The following PDE1B variants were observed in gnomAD, a reference collection of about 807,000 sequenced individuals.
The protein encoded by PDE1B is dual specificity calcium/calmodulin-dependent 3',5'-cyclic nucleotide phosphodiesterase 1B.
In PDE1B, 13 loss-of-function variants were observed where a neutral mutation model predicts 66.7. The ratio of observed to expected loss-of-function variants is 0.19; its 90% CI spans 0.13 to 0.31. PDE1B has a LOEUF of 0.31. PDE1B is among the 10% of genes least tolerant of loss of function. The pLI is 1.00. For missense variants in PDE1B, 485 were observed against 682.3 expected (o/e 0.71, Z 3.22); for synonymous variants, 230 against 253.9 (o/e 0.91, Z 0.90).
In PDE1B at chr12:54,573,298, G is replaced by A. The variant is rs747578868; in HGVS notation, c.836+50G>A. 1.2e-6 allele frequency: 2 copies of A among 1,613,578 alleles called. No homozygotes were observed. The highest frequency in any genetic ancestry group is 2.2e-5 in the South Asian group (2 of 91,068). On this transcript the variant is annotated intron_variant, in intron 8 of 15. Transcript: ENST00000243052. The surrounding 1 kb of genome is among the most constrained non-coding windows in gnomAD (Gnocchi z 5.2). ...GCAGGAGGGGCCAAGAGGAGGTGGGGAGGTTGCCGGAGTCCCTCCTTACAG... is the reference window on the plus strand; with the variant it reads ...GCAGGAGGGGCCAAGAGGAGGTGGGAAGGTTGCCGGAGTCCCTCCTTACAG...
Position 54,569,275 on chromosome 12 carries a change from C to A in PDE1B, c.319C>A (p.Gln107Lys). 6.2e-7 allele frequency: 1 copy of A among 1,614,068 alleles called. No homozygotes were observed. Residue 107 changes from glutamine to lysine, a missense_variant, in exon 4 of 16, where the codon CAG becomes AAG. Coordinates refer to ENST00000243052, the MANE Select transcript of PDE1B (RefSeq NM_000924.4). The surrounding 1 kb of genome is among the most constrained non-coding windows in gnomAD (Gnocchi z 4.4). ...VRDWLASTFT[Q>K]QARAKGRRAE... ...GGACTGGCTGGCCTCCACCTTCACC[C>A]AGCAGGCCCGGGCCAAAGGCCGCCG... is the stretch of plus-strand genomic sequence containing the variant.
chr12:54,573,464 A>T lies in PDE1B; in HGVS notation c.946A>T (p.Thr316Ser), dbSNP rs12811737. 1 of 1,614,150 alleles carries T rather than the reference A, an allele frequency of 6.2e-7. No homozygotes were observed. The highest frequency in any genetic ancestry group is 2.2e-5 in the East Asian group (1 of 44,880). ...DDEMNIFINL[T>S]KDEFVELRAL... ...TGAGATGAACATTTTCATCAACCTC[A>T]CCAAGGATGAGTTTGTGTGAGCAGA... Residue 316 changes from threonine to serine, a missense_variant, in exon 9 of 16, where the codon ACC becomes TCC. Thr to Ser is a moderately conservative substitution (Grantham distance 58). Coordinates refer to ENST00000243052, the MANE Select transcript of PDE1B (RefSeq NM_000924.4). This position sits in a 1 kb window ranked among gnomAD's most constrained non-coding sequence, Gnocchi z 5.2.
chr12:54,560,182 T>C (rs1957387513), intron 2 of PDE1B, among the ~76,000 whole-genome samples: 1 of 152,204 alleles, frequency 6.6e-6, no homozygotes, highest in African/African-American at 2.4e-5. Context: ...CGAAGCCCAC[T>C]TCCACTTGTC....
chr12:54,566,945 A>T, intron 2 of PDE1B, 29 bp from the exon 3 acceptor site: 1 of 1,278,346 alleles, frequency 7.8e-7, no homozygotes, highest in South Asian at 1.2e-5. Context: ...GCTGTGCCTA[A>T]GCAGCCTCTC....
chr12:54,576,499 C>T, intron 13 of PDE1B, 72 bp from the exon 14 acceptor site: 11 of 1,586,064 alleles, frequency 6.9e-6, no homozygotes, highest in East Asian at 2.2e-5. Flanking sequence ...ATGTCCTGCA[C>T]TCCCAGGGCT....
At chr12:54,562,504 C>A (rs926608660) in intron 2 of PDE1B, among the ~76,000 whole-genome samples, 18 of 152,136 alleles carry the variant, frequency 1.2e-4, no homozygotes, top group Admixed American at 7.2e-4. Flanking sequence ...GGTTGAGCAT[C>A]CTGTTCTACA....
At position 54,569,437 on chromosome 12, in the gene PDE1B, C is replaced by T; in HGVS notation, c.410+71C>T. 1 of 1,588,656 alleles carries T rather than the reference C, an allele frequency of 6.3e-7. No individual in the cohort carries two copies. The highest frequency in any genetic ancestry group is 1.3e-5 in the African/African-American group (1 of 74,554). ...CCTCTTTCCCAGCCACCCTGGTCTTCCATGACCACCAGCCATATGATCCCA... is the reference window on the plus strand; with the variant it reads ...CCTCTTTCCCAGCCACCCTGGTCTTTCATGACCACCAGCCATATGATCCCA... On this transcript the variant is annotated intron_variant, in intron 4 of 15. Coordinates refer to ENST00000243052, the MANE Select transcript of PDE1B (RefSeq NM_000924.4). This position sits in a 1 kb window ranked among gnomAD's most constrained non-coding sequence, Gnocchi z 4.4.
intron 2 of PDE1B, among the ~76,000 whole-genome samples, chr12:54,553,093 T>C (rs955465601): frequency 6.6e-6 from 1 of 152,230 alleles, no homozygotes; most frequent in African/African-American, 2.4e-5. Flanking sequence ...TCCCTCTTCC[T>C]ACAGAGCTTG....
At position 54,577,143 on chromosome 12, in the gene PDE1B, T is replaced by G. The variant is rs564732855; in HGVS notation, c.1508-82T>G. Reference sequence around the variant, plus strand: ...AGGCAGGTTGATGGATGAGAATCCCTTACATGTCTCCACATACTCCTTGGG... The same window carrying G: ...AGGCAGGTTGATGGATGAGAATCCCGTACATGTCTCCACATACTCCTTGGG... On this transcript the variant is annotated intron_variant, in intron 14 of 15. Coordinates refer to ENST00000243052, the MANE Select transcript of PDE1B (RefSeq NM_000924.4). 4.3e-6 allele frequency: 5 copies of G among 1,170,778 alleles called. No individual in the cohort carries two copies. In the South Asian group the frequency reaches 6.8e-5, roughly 16 times the overall value. The allele number at this position is 1,170,778 out of a possible 1,614,324, so 72.5% of individuals were successfully genotyped here.
Position 54,569,023 on chromosome 12 carries a change from A to T in PDE1B, c.228-161A>T. On this transcript the variant is annotated intron_variant, in intron 3 of 15. Coordinates refer to ENST00000243052, the MANE Select transcript of PDE1B (RefSeq NM_000924.4). The surrounding 1 kb of genome is among the most constrained non-coding windows in gnomAD (Gnocchi z 4.4). ...GACCTGTTTCATTATTGGAGATGTT[A>T]GATAAAGAAATAAAAAGATATAGAG... 8.4e-7 allele frequency: 1 copy of T among 1,186,998 alleles called. No homozygotes were observed. The highest frequency in any genetic ancestry group is 1.1e-6 in the Non-Finnish European group (1 of 884,140). 73.5% of individuals were successfully genotyped at this position (1,186,998 alleles called of 1,614,324 possible).
Position 54,572,657 on chromosome 12 carries a change from G to A in PDE1B, c.651G>A (p.Lys217=). The stretch of plus-strand genomic sequence containing the variant: ...ATGCCTTGGAGACAGGCTATGGGAA[G>A]TACAAGAATCCTTACCACAACCAGA... The part of the protein sequence containing the change: ...FLDALETGYG[K]YKNPYHNQIH... Residue 217 remains lysine (K), a synonymous_variant, in exon 7 of 16, where the codon AAG becomes AAA. Transcript: ENST00000243052. 1.2e-6 allele frequency: 2 copies of A among 1,613,990 alleles called. No homozygotes were observed. The highest frequency in any genetic ancestry group is 1.7e-6 in the Non-Finnish European group (2 of 1,179,848).
chr12:54,579,144 C>T lies in PDE1B; in HGVS notation c.*1302C>T, dbSNP rs950215708. On this transcript the variant is annotated 3_prime_UTR_variant, in exon 16 of 16. Transcript: ENST00000243052. ...CTACCCTGGTACTTCCACCCTACCCCACCCCGAGAAGGGCAGAGACGCATG... is the reference window on the plus strand; with the variant it reads ...CTACCCTGGTACTTCCACCCTACCCTACCCCGAGAAGGGCAGAGACGCATG... 6.8e-6 allele frequency: 4 copies of T among 584,360 alleles called. No homozygotes were observed. Among genetic ancestry groups the T allele is most frequent in the African/African-American group, 6.1e-5 (3 of 48,956 alleles). 36.2% of individuals were successfully genotyped at this position (584,360 alleles called of 1,614,324 possible).
At position 54,567,532 on chromosome 12, in the gene PDE1B, A is replaced by T. The variant is rs12315671; in HGVS notation, c.227+445A>T. Among the ~76,000 whole-genome samples the T allele has an allele frequency of 4.1e-3, 461 of 112,820 alleles. 3 individuals carry two copies. Among genetic ancestry groups the T allele is most frequent in the Non-Finnish European group, 4.0e-3 (207 of 51,228 alleles). 74.0% of individuals were successfully genotyped at this position (112,820 alleles called of 152,430 possible). The stretch of plus-strand genomic sequence containing the variant: ...ATAAATAAATAAATAAATAAATAAA[A>T]AAAATAAAAAAAGAGCTCCAGGTAT... On this transcript the variant is annotated intron_variant, in intron 3 of 15. Coordinates refer to ENST00000243052, the MANE Select transcript of PDE1B (RefSeq NM_000924.4).
At chr12:54,552,581 C>A (rs745752464) in intron 2 of PDE1B, among the ~76,000 whole-genome samples, 6 of 152,182 alleles carry the variant, frequency 3.9e-5, no homozygotes, top group African/African-American at 7.2e-5. Flanking sequence ...TATAATAGTG[C>A]AGGGCAATTT....
In PDE1B at chr12:54,573,602, G is replaced by T; in HGVS notation, c.963-6G>T. The T allele has an allele frequency of 6.2e-7, 1 of 1,613,138 alleles. No individual in the cohort carries two copies. The highest frequency in any genetic ancestry group is 8.5e-7 in the Non-Finnish European group (1 of 1,179,204). On this transcript the variant is annotated splice_polypyrimidine_tract_variant and splice_region_variant and intron_variant, in intron 9 of 15. Transcript: ENST00000243052. The surrounding 1 kb of genome is among the most constrained non-coding windows in gnomAD (Gnocchi z 5.2). ...ACTGATTGCTTCTCTTTTTATGTCC[G>T]CTCAGAGAACTCCGAGCCCTGGTCA... is the stretch of plus-strand genomic sequence containing the variant.
At chr12:54,550,063 A>G (rs2121010364) in intron 2 of PDE1B, 78 bp downstream of exon 2, 1 of 1,541,522 alleles carries the variant, frequency 6.5e-7, no homozygotes, top group Non-Finnish European at 8.8e-7. Flanking sequence ...TAACTGGAGC[A>G]GGGCTGTGGG....
At position 54,575,717 on chromosome 12, in the gene PDE1B, C is replaced by A; in HGVS notation, c.1267+85C>A. The A allele has an allele frequency of 1.0e-6, 1 of 992,036 alleles. No homozygotes were observed. The highest frequency in any genetic ancestry group is 1.6e-6 in the Non-Finnish European group (1 of 624,826). 61.5% of individuals were successfully genotyped at this position (992,036 alleles called of 1,614,324 possible). On this transcript the variant is annotated intron_variant, in intron 12 of 15. Transcript: ENST00000243052. The surrounding 1 kb of genome is among the most constrained non-coding windows in gnomAD (Gnocchi z 4.0). Reference sequence around the variant, plus strand: ...TCAGGATTGCTCCAAGTCCTCAATCCCCCCAAACCATTCTTCCTGTAGAGG... The same window carrying A: ...TCAGGATTGCTCCAAGTCCTCAATCACCCCAAACCATTCTTCCTGTAGAGG...
intron 6 of PDE1B, 116 bp from the exon 7 acceptor site, chr12:54,572,485 C>A: frequency 1.0e-6 from 1 of 977,498 alleles, no homozygotes; most frequent in Non-Finnish European, 1.6e-6. Flanking sequence ...TAACTAGGTT[C>A]TGTGCTCTCT....
Position 54,573,809 on chromosome 12 carries a change from C to A in PDE1B, c.1064+100C>A, listed in dbSNP as rs373356799. On this transcript the variant is annotated intron_variant, in intron 10 of 15. Transcript: ENST00000243052. The surrounding 1 kb of genome is among the most constrained non-coding windows in gnomAD (Gnocchi z 5.2). ...TAGTTGGTGTGCCAGGTCTTTACCTCGCTGTAGAGACTCCACTGGCTTCAG... is the reference window on the plus strand; with the variant it reads ...TAGTTGGTGTGCCAGGTCTTTACCTAGCTGTAGAGACTCCACTGGCTTCAG... 1.5e-5 allele frequency: 12 copies of A among 810,118 alleles called. No individual in the cohort carries two copies. The highest frequency in any genetic ancestry group is 2.4e-5 in the East Asian group (1 of 40,828). The allele number at this position is 810,118 out of a possible 1,614,324, so 50.2% of individuals were successfully genotyped here.
Sources: allele counts gnomAD v4.1 joint callset (sites outside exome capture counted in the v4.1 genomes callset), GRCh38; gene constraint gnomAD v4.1.1; non-coding constraint Gnocchi (gnomAD v3.1); transcripts MANE v1.5; gene names NCBI Gene and HGNC (gene_info 2026-07-23, HGNC 2026-07-21).